Variants in TSNARE1 observed in about 807,000 individuals in gnomAD.
The protein encoded by TSNARE1 is t-SNARE domain-containing protein 1.
In TSNARE1, 49 loss-of-function variants were observed where a neutral mutation model predicts 62.0. That is an observed-to-expected ratio of 0.79 (90% CI 0.63 to 1.00). The LOEUF (loss-of-function observed/expected upper bound fraction) is 1.00. Among genes scored for constraint, TSNARE1 ranks in the 50% least tolerant of loss-of-function variants. The pLI, the probability that TSNARE1 is intolerant of heterozygous loss-of-function variation, is 0.00. For synonymous variants in TSNARE1, 328 were observed against 294.4 expected (o/e 1.11, Z -1.17); for missense variants, 755 against 700.1 (o/e 1.08, Z -0.88).
In TSNARE1 at chr8:142,344,280, T is replaced by A; in HGVS notation, c.431A>T (p.His144Leu). The change falls in exon 4 of 14, where the codon CAC becomes CTC. Residue 144 changes from histidine to leucine, a missense_variant. Coordinates refer to ENST00000524325, the MANE Select transcript of TSNARE1 (RefSeq NM_145003.5). ...EVLVSKVSKH[H>L]QLLFGTGLLK... The stretch of plus-strand genomic sequence containing the variant: ...CAGCCCCGTGCCAAACAGCAGCTGG[T>A]GGTGCTTGCTCACCTTGGACACCAG... 1 of 1,604,114 alleles carries A rather than the reference T, an allele frequency of 6.2e-7. No individual in the cohort carries two copies. The highest frequency in any genetic ancestry group is 8.5e-7 in the Non-Finnish European group (1 of 1,172,832).
intron 13 of TSNARE1, among the ~76,000 whole-genome samples, chr8:142,223,126 T>C (rs1816527314): frequency 1.7e-5 from 1 of 57,734 alleles, no homozygotes. Flanking sequence ...ACTCATTCAC[T>C]CATTCACTCA....
At chr8:142,358,922 T>C (rs1361995970) in intron 1 of TSNARE1, among the ~76,000 whole-genome samples, 1 of 151,990 alleles carries the variant, frequency 6.6e-6, no homozygotes, top group African/African-American at 2.4e-5. Flanking sequence ...TCTCCAGTCC[T>C]GCCCCAGCCC....
chr8:142,245,864 A>G (rs1817862885), intron 12 of TSNARE1, among the ~76,000 whole-genome samples: 1 of 152,106 alleles, frequency 6.6e-6, no homozygotes, highest in South Asian at 2.1e-4. Context: ...TACACGCTAC[A>G]CACAACCTGG....
intron 6 of TSNARE1, among the ~76,000 whole-genome samples, chr8:142,329,381 G>A (rs976277157): frequency 4.4e-4 from 67 of 152,304 alleles, no homozygotes; most frequent in Admixed American, 3.8e-3. Context: ...GGGTGGTGTC[G>A]GTCTTCAGCT....
intron 11 of TSNARE1, chr8:142,276,583 G>T (rs913101616): frequency 1.0e-6 from 1 of 985,402 alleles, no homozygotes; most frequent in Non-Finnish European, 1.2e-6. Context: ...TAACACAGGT[G>T]GTGCTGGACA....
chr8:142,337,361 T>C (rs976043502), intron 4 of TSNARE1, among the ~76,000 whole-genome samples: 2 of 152,212 alleles, frequency 1.3e-5, no homozygotes, highest in Non-Finnish European at 2.9e-5. Context: ...TGCAAACATT[T>C]GTCCGTACAA....
Position 142,336,734 on chromosome 8 carries a change from C to T in TSNARE1, c.746-4903G>A, listed in dbSNP as rs145312633. On this transcript the variant is annotated intron_variant, in intron 4 of 13. Coordinates refer to ENST00000524325, the MANE Select transcript of TSNARE1 (RefSeq NM_145003.5). ...AGAATACACATTCCTGCCAAACGCA[C>T]GTGGAACATTCACTAAGACAGACTC... is the stretch of plus-strand genomic sequence containing the variant. Among the ~76,000 whole-genome samples the T allele has an allele frequency of 4.3e-3, 653 of 152,296 alleles. 1 individual carries two copies. The highest frequency in any genetic ancestry group is 5.0e-3 in the Non-Finnish European group (343 of 68,038).
At chr8:142,342,448 G>A (rs1397013559) in intron 4 of TSNARE1, among the ~76,000 whole-genome samples, 1 of 152,216 alleles carries the variant, frequency 6.6e-6, no homozygotes, top group African/African-American at 2.4e-5. Context: ...CCCAGCCAAT[G>A]TCTTGAGGGG....
intron 10 of TSNARE1, among the ~76,000 whole-genome samples, chr8:142,298,311 C>T (rs370152501): frequency 5.9e-5 from 9 of 152,224 alleles, no homozygotes; most frequent in Non-Finnish European, 1.3e-4. Context: ...AGAGGGAACC[C>T]GGGGCCAGGA....
intron 12 of TSNARE1, among the ~76,000 whole-genome samples, chr8:142,245,416 G>A (rs953646075): frequency 2.6e-5 from 4 of 152,210 alleles, no homozygotes; most frequent in Non-Finnish European, 4.4e-5. Flanking sequence ...AACACTCTAC[G>A]CATCCATTGA....
rs868332638 is a variant in TSNARE1 at position 142,217,982 on chromosome 8, C to T, written c.*12-5669G>A. Among the ~76,000 whole-genome samples, 6 of 76,318 alleles carry T rather than the reference C, an allele frequency of 7.9e-5. 1 individual carries two copies. Among genetic ancestry groups the T allele is most frequent in the Middle Eastern group, 0.014 (2 of 144 alleles). 50.1% of individuals were successfully genotyped at this position (76,318 alleles called of 152,430 possible). On this transcript the variant is annotated intron_variant, in intron 13 of 13. Transcript: ENST00000524325. ...GCTCAGTGTGTGACCAGGATCAGGG[C>T]TCAGAGTATGAGCAGGATCAGGGCT...
chr8:142,354,069 G>A (rs899007236), intron 2 of TSNARE1, among the ~76,000 whole-genome samples: 3 of 152,154 alleles, frequency 2.0e-5, no homozygotes, highest in South Asian at 2.1e-4. Context: ...GCAGGAGCGG[G>A]GGGTTACCAT....
At chr8:142,330,478 A>G (rs747680184) in intron 6 of TSNARE1, among the ~76,000 whole-genome samples, 3 of 152,236 alleles carry the variant, frequency 2.0e-5, no homozygotes, top group Non-Finnish European at 2.9e-5. Context: ...AACCTAGCCC[A>G]TGGCTGTGCA....
chr8:142,390,056 C>A (rs1220816328), intron 1 of TSNARE1, among the ~76,000 whole-genome samples: 1 of 152,222 alleles, frequency 6.6e-6, no homozygotes, highest in Non-Finnish European at 1.5e-5. Flanking sequence ...CATATCTATA[C>A]ATATCTAAAC....
At chr8:142,329,050 T>C (rs1325751737) in intron 6 of TSNARE1, among the ~76,000 whole-genome samples, 2 of 152,208 alleles carry the variant, frequency 1.3e-5, no homozygotes, top group Non-Finnish European at 2.9e-5. Context: ...TCTTTAAATG[T>C]CCTTAGTTGG....
At chr8:142,356,534 C>G (rs894940232) in intron 1 of TSNARE1, among the ~76,000 whole-genome samples, 6 of 152,148 alleles carry the variant, frequency 3.9e-5, no homozygotes, top group East Asian at 1.9e-4. Context: ...GGGGCCTCAT[C>G]GGGAAAAGCT....
rs76278996 is a variant in TSNARE1 at position 142,378,389 on chromosome 8, G to T, written c.-39-23626C>A. ...GGGAGGGGCACAAGGGACTCTCTTG[G>T]GGTGGAAGATCACCTTCGTGGCACG... On this transcript the variant is annotated intron_variant, in intron 1 of 13. Transcript: ENST00000524325. Among the ~76,000 whole-genome samples, 1,182 of 152,330 alleles carry T rather than the reference G, an allele frequency of 7.8e-3. 24 individuals carry two copies. The highest frequency in any genetic ancestry group is 0.073 in the South Asian group (354 of 4,824).
chr8:142,278,419 G>A (rs1342472465), intron 11 of TSNARE1: 1 of 985,358 alleles, frequency 1.0e-6, no homozygotes, highest in Admixed American at 6.1e-5. Flanking sequence ...TCAAGGAGCT[G>A]GTCCTGCTTC....
chr8:142,397,711 G>T (rs989208876), intron 1 of TSNARE1, among the ~76,000 whole-genome samples: 1 of 152,160 alleles, frequency 6.6e-6, no homozygotes, highest in Non-Finnish European at 1.5e-5. Context: ...GCTGGGGAGG[G>T]CTCGAGCCTG....
Sources: allele counts gnomAD v4.1 joint callset (sites outside exome capture counted in the v4.1 genomes callset), GRCh38; gene constraint gnomAD v4.1.1; transcripts MANE v1.5; gene names NCBI Gene and HGNC (gene_info 2026-07-23, HGNC 2026-07-21).